Variants in CELF3 observed in about 807,000 individuals in gnomAD.
CELF3 encodes CAG repeat domain.
Under a neutral mutation model 59.6 loss-of-function variants are expected in CELF3, and 26 were observed. The ratio of observed to expected loss-of-function variants is 0.44; its 90% CI spans 0.32 to 0.61. The LOEUF is 0.61. Among genes scored for constraint, CELF3 ranks in the 20% least tolerant of loss-of-function variants. The pLI, the probability that CELF3 is intolerant of heterozygous loss-of-function variation, is 0.06. For synonymous variants in CELF3, 245 were observed against 250.7 expected (o/e 0.98, Z 0.22); for missense variants, 387 against 627.2 (o/e 0.62, Z 4.09).
Position 151,716,143 on chromosome 1 carries a change from GCCCCCAAC to G in CELF3, c.-131_-124del. The stretch of plus-strand genomic sequence containing the variant: ...CCAGCTGGGGCTGGCTTTCCCTTTG[GCCCCCAAC>G]CACGCTGCTAAGCAGAGGGGCGGCT... On this transcript the variant is annotated 5_prime_UTR_variant, in exon 1 of 13. Transcript: ENST00000290583. 1.0e-6 allele frequency: 1 copy of G among 1,000,128 alleles called. No homozygotes were observed. The highest frequency in any genetic ancestry group is 1.7e-5 in the South Asian group (1 of 58,024). 62.0% of individuals were successfully genotyped at this position (1,000,128 alleles called of 1,614,324 possible).
In CELF3 at chr1:151,709,008, C is replaced by T. The variant is rs1300067961; in HGVS notation, c.476G>A (p.Arg159Gln). The T allele has an allele frequency of 8.7e-6, 14 of 1,613,448 alleles. No individual in the cohort carries two copies. Among genetic ancestry groups the T allele is most frequent in the Middle Eastern group, 1.7e-4 (1 of 5,786 alleles). ...QAAINTLHSS[R>Q]TLPGASSSLV... ...GGGAGTGGGGCTCACTGGCAGGGTC[C>T]GGCTGCTGTGAAGGGTGTTGATGGC... The change falls in exon 5 of 13, where the codon CGG (arginine) becomes CAG (glutamine). Residue 159 changes from arginine to glutamine, a missense_variant. Transcript: ENST00000290583. This position sits in a 1 kb window ranked among gnomAD's most constrained non-coding sequence, Gnocchi z 4.9.
chr1:151,710,378 CG>C (rs1672914299), intron 2 of CELF3: 1 of 293,922 alleles, frequency 3.4e-6, no homozygotes, highest in Admixed American at 4.4e-5. Flanking sequence ...CCATGGCAAC[CG>C]CCCACTCAGC....
rs934541197 is a variant in CELF3 at position 151,703,823 on chromosome 1, AAAAG to A, written c.*11-379_*11-376del. Among the ~76,000 whole-genome samples the A allele has an allele frequency of 1.1e-4, 16 of 152,156 alleles. 1 individual carries two copies. Among genetic ancestry groups the A allele is most frequent in the African/African-American group, 1.9e-4 (8 of 41,430 alleles). ...TGCGTGTAAGAGACAGACACCTGGA[AAAAG>A]AAAGGGAACACCCGCAGAGAAGGCC... On this transcript the variant is annotated intron_variant, in intron 12 of 12. Transcript: ENST00000290583.
In CELF3 at chr1:151,716,172, C is replaced by T. The variant is rs143401553; in HGVS notation, c.-152G>A. The T allele has an allele frequency of 2.3e-4, 166 of 723,402 alleles. No homozygotes were observed. The East Asian group carries it at 4.4e-3, about 19-fold the overall frequency. 44.8% of individuals were successfully genotyped at this position (723,402 alleles called of 1,614,324 possible). On this transcript the variant is annotated 5_prime_UTR_variant, in exon 1 of 13. Coordinates refer to ENST00000290583, the MANE Select transcript of CELF3 (RefSeq NM_007185.7). Reference sequence around the variant, plus strand: ...CCAACCACGCTGCTAAGCAGAGGGGCGGCTCTTCACACAAAGGAGGCCCAG... The same window carrying T: ...CCAACCACGCTGCTAAGCAGAGGGGTGGCTCTTCACACAAAGGAGGCCCAG...
intron 12 of CELF3, among the ~76,000 whole-genome samples, chr1:151,704,824 A>T (rs545921839): frequency 2.1e-4 from 31 of 150,848 alleles, no homozygotes; most frequent in African/African-American, 4.9e-4. Flanking sequence ...TGTGTGTGAG[A>T]GAGAGAGAGA....
chr1:151,714,527 G>T, intron 2 of CELF3, 67 bp downstream of exon 2: 2 of 1,112,046 alleles, frequency 1.8e-6, no homozygotes, highest in Non-Finnish European at 2.7e-6. Flanking sequence ...TGTCAGGAGG[G>T]TGGTGAGCCT....
intron 2 of CELF3, chr1:151,711,801 C>A (rs1186982351): frequency 1.3e-5 from 2 of 152,316 alleles, no homozygotes; most frequent in Non-Finnish European, 2.9e-5. Context: ...TTGGCGCTAG[C>A]CCCCTTCCCA....
chr1:151,703,233 ATCT>A lies in CELF3; in HGVS notation c.*223_*225del. ...GCTCCCTCACAAAGGCCAAAAGGGC[ATCT>A]AGGAGGAAATGGGCCCTTGGAGCCA... On this transcript the variant is annotated 3_prime_UTR_variant, in exon 13 of 13. Coordinates refer to ENST00000290583, the MANE Select transcript of CELF3 (RefSeq NM_007185.7). The A allele has an allele frequency of 2.2e-6, 1 of 457,706 alleles. No individual in the cohort carries two copies. The highest frequency in any genetic ancestry group is 4.4e-6 in the Non-Finnish European group (1 of 227,568). 28.4% of individuals were successfully genotyped at this position (457,706 alleles called of 1,614,324 possible).
intron 2 of CELF3, 108 bp downstream of exon 2, chr1:151,714,485 TG>T: frequency 1.3e-6 from 1 of 792,444 alleles, no homozygotes; most frequent in Non-Finnish European, 2.2e-6. Context: ...GGGGACTTCC[TG>T]GTGATGAGAG....
At chr1:151,712,885 CTGCACACACATGCGTGTGCA>C (rs938009074) in intron 2 of CELF3, among the ~76,000 whole-genome samples, 28 of 152,280 alleles carry the variant, frequency 1.8e-4, no homozygotes, top group Admixed American at 3.3e-4. Context: ...AGCTGACACA[CTGCACACACATGCGTGTGCA>C]TGCACACACA....
At chr1:151,710,379 G>T in intron 2 of CELF3, 3 of 291,596 alleles carry the variant, frequency 1.0e-5, no homozygotes, top group South Asian at 3.1e-5. Context: ...CATGGCAACC[G>T]CCCACTCAGC....
rs373146714 is a variant in CELF3 at position 151,709,351 on chromosome 1, G to C, written c.278-3C>G. On this transcript the variant is annotated splice_region_variant and splice_polypyrimidine_tract_variant and intron_variant, in intron 3 of 12. Coordinates refer to ENST00000290583, the MANE Select transcript of CELF3 (RefSeq NM_007185.7). The surrounding 1 kb of genome is among the most constrained non-coding windows in gnomAD (Gnocchi z 4.9). The stretch of plus-strand genomic sequence containing the variant: ...CCCCACAAAGAGCTTCCGGTCTTCT[G>C]GGTGGTAGGGCACAGGAGGAGGGCA... The C allele has an allele frequency of 3.7e-6, 6 of 1,613,890 alleles. No individual in the cohort carries two copies. In the African/African-American group the frequency reaches 5.3e-5, roughly 14 times the overall value.
chr1:151,714,610 T>G lies in CELF3; in HGVS notation c.212A>C (p.Gln71Pro). Reference protein sequence around the residue: ...ALKAQSALHEQKTLPGMNRPI... With the variant: ...ALKAQSALHEPKTLPGMNRPI... Reference sequence around the variant, plus strand: ...AGGACTCACCCCTGGAAGCGTCTTCTGTTCGTGCAGGGCGCTCTGGGCCTT... The same window carrying G: ...AGGACTCACCCCTGGAAGCGTCTTCGGTTCGTGCAGGGCGCTCTGGGCCTT... The change falls in exon 2 of 13, where the codon CAG (glutamine) becomes CCG (proline). Residue 71 changes from glutamine (Q) to proline (P), a missense_variant. Physicochemically the swap from Gln to Pro is moderately conservative, Grantham distance 76. Coordinates refer to ENST00000290583, the MANE Select transcript of CELF3 (RefSeq NM_007185.7). The G allele has an allele frequency of 6.4e-7, 1 of 1,557,288 alleles. No individual in the cohort carries two copies. The highest frequency in any genetic ancestry group is 8.7e-7 in the Non-Finnish European group (1 of 1,150,132).
Position 151,714,660 on chromosome 1 carries a change from T to C in CELF3, c.162A>G (p.Thr54=), listed in dbSNP as rs1205181077. The C allele has an allele frequency of 1.3e-6, 2 of 1,560,096 alleles. No homozygotes were observed. The highest frequency in any genetic ancestry group is 1.7e-6 in the Non-Finnish European group (2 of 1,151,814). Residue 54 remains threonine (T), a synonymous_variant, in exon 2 of 13, where the codon ACA becomes ACG. Transcript: ENST00000290583. ...TCAGGGCTGAATCCCGGGCACAGTA[T>C]GTCAGGAAGGCACATCCTGAGGAGG... The part of the protein sequence containing the change: ...TGLHKGCAFL[T]YCARDSALKA...
Position 151,707,268 on chromosome 1 carries a change from C to A in CELF3, c.799G>T (p.Ala267Ser), listed in dbSNP as rs1288129724. ...SGTSTPPAIA[A>S]TPVSAIPAAL... The stretch of plus-strand genomic sequence containing the variant: ...GCCGGAATGGCAGAGACAGGCGTGG[C>A]AGCGATGGCAGGAGGGGTGCTGGTT... The change falls in exon 8 of 13, where the codon GCC becomes TCC. Residue 267 changes from alanine to serine, a missense_variant. Physicochemically the swap from Ala to Ser is moderately conservative, Grantham distance 99. Transcript: ENST00000290583. 5 of 1,568,876 alleles carry A rather than the reference C, an allele frequency of 3.2e-6. No homozygotes were observed. The highest frequency in any genetic ancestry group is 3.5e-6 in the Non-Finnish European group (4 of 1,158,630).
At chr1:151,714,135 C>T (rs895054971) in intron 2 of CELF3, among the ~76,000 whole-genome samples, 2 of 152,202 alleles carry the variant, frequency 1.3e-5, no homozygotes, top group Non-Finnish European at 2.9e-5. Flanking sequence ...AGAACCAGCA[C>T]CGAGATGCCA....
intron 2 of CELF3, chr1:151,714,322 G>A: frequency 1.7e-6 from 1 of 602,278 alleles, no homozygotes; most frequent in South Asian, 2.0e-5. Flanking sequence ...TCCCTCTAGT[G>A]TTGCCCCATG....
At position 151,705,074 on chromosome 1, in the gene CELF3, T is replaced by C; in HGVS notation, c.1365A>G (p.Leu455=). 1 of 1,613,882 alleles carries C rather than the reference T, an allele frequency of 6.2e-7. No individual in the cohort carries two copies. Among genetic ancestry groups the C allele is most frequent in the Non-Finnish European group, 8.5e-7 (1 of 1,179,814 alleles). ...GCCGGTTGGCATCCTTAGGCCGCTT[T>C]AGCTGGACTTTGAGGCGCTTCATGC... The part of the protein sequence containing the change: ...QIGMKRLKVQ[L]KRPKDANRPY Residue 455 remains leucine, a synonymous_variant, in exon 12 of 13, where the codon CTA becomes CTG. Transcript: ENST00000290583. The surrounding 1 kb of genome is among the most constrained non-coding windows in gnomAD (Gnocchi z 5.1).
rs1449691761 is a variant in CELF3 at position 151,707,754 on chromosome 1, G to T, written c.630+38C>A. 7 of 1,606,992 alleles carry T rather than the reference G, an allele frequency of 4.4e-6. No homozygotes were observed. In the East Asian group the frequency reaches 9.0e-5, roughly 21 times the overall value. On this transcript the variant is annotated intron_variant, in intron 6 of 12. Transcript: ENST00000290583. ...GGAGGGTGGGGGCAAGATACAGGGGGTCAGGAGGGCTGGCCCGGCATCAGG... is the reference window on the plus strand; with the variant it reads ...GGAGGGTGGGGGCAAGATACAGGGGTTCAGGAGGGCTGGCCCGGCATCAGG...
Sources: allele counts gnomAD v4.1 joint callset (sites outside exome capture counted in the v4.1 genomes callset), GRCh38; gene constraint gnomAD v4.1.1; non-coding constraint Gnocchi (gnomAD v3.1); transcripts MANE v1.5; gene names NCBI Gene and HGNC (gene_info 2026-07-23, HGNC 2026-07-21).